SDK1: variants seen among roughly 807,000 people sequenced by gnomAD.
SDK1 encodes protein sidekick-1.
In SDK1, 157 loss-of-function variants were observed where a neutral mutation model predicts 245.5. The observed-to-expected ratio is 0.64, with a 90% CI of 0.56 to 0.73. The LOEUF (loss-of-function observed/expected upper bound fraction) is 0.73, where lower values mean the gene tolerates loss of function less well. SDK1 is among the 30% of genes least tolerant of loss of function. SDK1 has a pLI of 0.00. For missense variants in SDK1, 3,583 were observed against 3,002.3 expected (o/e 1.19, Z -4.52); for synonymous variants, 1,647 against 1,278.5 (o/e 1.29, Z -6.15).
chr7:4,127,446 T>C lies in SDK1; in HGVS notation c.3889T>C (p.Trp1297Arg). The C allele has an allele frequency of 6.2e-7, 1 of 1,614,168 alleles. No individual in the cohort carries two copies. Among genetic ancestry groups the C allele is most frequent in the Non-Finnish European group, 8.5e-7 (1 of 1,180,024 alleles). Residue 1297 changes from tryptophan (W) to arginine (R), a missense_variant, in exon 26 of 45, where the codon TGG becomes CGG. Trp to Arg is a moderately radical substitution (Grantham distance 101). Transcript: ENST00000404826. ...CAGCTCGACCCAGATTTTACTGACATGGACATCCGTGCCGGAACAGGACCA... is the reference window on the plus strand; with the variant it reads ...CAGCTCGACCCAGATTTTACTGACACGGACATCCGTGCCGGAACAGGACCA... ...AVSSTQILLTWTSVPEQDQNG... is the reference protein window; with the variant it reads ...AVSSTQILLTRTSVPEQDQNG...
In SDK1 at chr7:3,987,424, A is replaced by G. The variant is rs1583739449; in HGVS notation, c.2131+102A>G. 2.5e-5 allele frequency: 30 copies of G among 1,209,864 alleles called. No homozygotes were observed. In the East Asian group the frequency reaches 6.8e-4, roughly 27 times the overall value. 74.9% of individuals were successfully genotyped at this position (1,209,864 alleles called of 1,614,324 possible). A position where few individuals can be genotyped will look rare whatever the true frequency, so the allele number is the denominator to read the frequency against. On this transcript the variant is annotated intron_variant, in intron 14 of 44. Transcript: ENST00000404826. Reference sequence around the variant, plus strand: ...CTTCTGGGTCAGACCCAAAACAACTACTAAAATGCTGTAATGCTTTACAGG... The same window carrying G: ...CTTCTGGGTCAGACCCAAAACAACTGCTAAAATGCTGTAATGCTTTACAGG...
At chr7:3,612,118 C>G (rs114397389) in intron 1 of SDK1, among the ~76,000 whole-genome samples, 1 of 152,000 alleles carries the variant, frequency 6.6e-6, no homozygotes, top group African/African-American at 2.4e-5. Context: ...GTGAGGGATA[C>G]GACTACACAT....
At chr7:3,671,807 G>T (rs989246629) in intron 4 of SDK1, among the ~76,000 whole-genome samples, 1 of 152,156 alleles carries the variant, frequency 6.6e-6, no homozygotes, top group Non-Finnish European at 1.5e-5. Context: ...AAATTATAAC[G>T]CCAGTGGGAA....
intron 1 of SDK1, among the ~76,000 whole-genome samples, chr7:3,334,864 C>T (rs4722695): frequency 0.25 from 37,293 of 151,912 alleles, 4,906 homozygotes; most frequent in East Asian, 0.42. Context: ...ATGTTTGAAA[C>T]CACTCTTGAT....
chr7:3,681,470 G>T (rs1784098381), intron 4 of SDK1, among the ~76,000 whole-genome samples: 1 of 152,162 alleles, frequency 6.6e-6, no homozygotes, highest in Non-Finnish European at 1.5e-5. Flanking sequence ...TTTTACCTCA[G>T]AATGGAATTA....
intron 2 of SDK1, among the ~76,000 whole-genome samples, chr7:3,628,667 C>T (rs1166818599): frequency 2.0e-5 from 3 of 152,206 alleles, no homozygotes; most frequent in Non-Finnish European, 4.4e-5. Context: ...TCCTCTTTGT[C>T]TCCCTAAAAA....
At chr7:3,457,333 C>T (rs1409326812) in intron 1 of SDK1, among the ~76,000 whole-genome samples, 1 of 152,158 alleles carries the variant, frequency 6.6e-6, no homozygotes, top group Admixed American at 6.5e-5. Flanking sequence ...TTGCCTCTTT[C>T]CACCTTTCTT....
intron 1 of SDK1, among the ~76,000 whole-genome samples, chr7:3,405,561 T>G (rs1383295012): frequency 1.3e-5 from 2 of 152,236 alleles, no homozygotes; most frequent in Non-Finnish European, 2.9e-5. Flanking sequence ...TTTATCTGTT[T>G]GTTGCCTTTG....
chr7:4,036,431 G>A (rs552365680), intron 17 of SDK1, among the ~76,000 whole-genome samples: 9 of 152,224 alleles, frequency 5.9e-5, no homozygotes, highest in Non-Finnish European at 1.0e-4. Flanking sequence ...CATGGATGCC[G>A]CTCTACCAGT....
At chr7:3,489,995 G>A (rs1781820312) in intron 1 of SDK1, among the ~76,000 whole-genome samples, 1 of 152,028 alleles carries the variant, frequency 6.6e-6, no homozygotes, top group South Asian at 2.1e-4. Flanking sequence ...TTCCCCTCGT[G>A]CTTACTGGTT....
intron 5 of SDK1, among the ~76,000 whole-genome samples, chr7:3,883,363 G>A (rs904790116): frequency 5.9e-5 from 9 of 152,218 alleles, no homozygotes; most frequent in East Asian, 1.9e-4. Flanking sequence ...AGTCTTAAGC[G>A]AGGAACGTGC....
intron 2 of SDK1, among the ~76,000 whole-genome samples, 187 bp downstream of exon 2, chr7:3,619,426 C>A (rs1393981130): frequency 1.3e-5 from 2 of 152,176 alleles, no homozygotes; most frequent in South Asian, 2.1e-4. Flanking sequence ...GTTGTACTTA[C>A]ACCTAGGAAG....
At chr7:3,394,113 A>G (rs562612120) in intron 1 of SDK1, among the ~76,000 whole-genome samples, 1 of 152,266 alleles carries the variant, frequency 6.6e-6, no homozygotes, top group African/African-American at 2.4e-5. Context: ...GATAAGATCC[A>G]GAAGAACTCT....
At chr7:3,679,386 G>A (rs1784026148) in intron 4 of SDK1, among the ~76,000 whole-genome samples, 1 of 152,134 alleles carries the variant, frequency 6.6e-6, no homozygotes, top group African/African-American at 2.4e-5. Flanking sequence ...CTAACATGGT[G>A]AAACCCCGTC....
At chr7:4,080,091 A>G (rs1411521648) in intron 22 of SDK1, among the ~76,000 whole-genome samples, 1 of 152,162 alleles carries the variant, frequency 6.6e-6, no homozygotes, top group African/African-American at 2.4e-5. Context: ...TGGGAAAGAA[A>G]GACCTCCAGC....
chr7:3,853,600 A>G (rs1780470747), intron 5 of SDK1, among the ~76,000 whole-genome samples: 1 of 152,162 alleles, frequency 6.6e-6, no homozygotes, highest in Admixed American at 6.5e-5. Flanking sequence ...TTTGCAGAAT[A>G]CATACCAGTT....
At chr7:4,024,711 A>G (rs1356972488) in intron 17 of SDK1, among the ~76,000 whole-genome samples, 2 of 152,216 alleles carry the variant, frequency 1.3e-5, no homozygotes, top group Admixed American at 6.5e-5. Context: ...GAGGTAACTC[A>G]CTTTCCCAAG....
chr7:3,564,309 C>A (rs558202981), intron 1 of SDK1, among the ~76,000 whole-genome samples: 2 of 152,012 alleles, frequency 1.3e-5, no homozygotes, highest in East Asian at 3.9e-4. Flanking sequence ...CTCTGACAGA[C>A]TCAAAAAGAA....
chr7:3,605,819 T>C (rs1451689052), intron 1 of SDK1, among the ~76,000 whole-genome samples: 1 of 152,192 alleles, frequency 6.6e-6, no homozygotes, highest in Non-Finnish European at 1.5e-5. Context: ...TCTAGGACAT[T>C]TAAATTTTAA....
Sources: allele counts gnomAD v4.1 joint callset (sites outside exome capture counted in the v4.1 genomes callset), GRCh38; gene constraint gnomAD v4.1.1; transcripts MANE v1.5; gene names NCBI Gene and HGNC (gene_info 2026-07-23, HGNC 2026-07-21).